SLC27A4: variants seen among roughly 807,000 people sequenced by gnomAD.
SLC27A4 encodes long-chain fatty acid transport protein 4.
A neutral mutation model predicts 64.4 loss-of-function variants in SLC27A4; 33 were observed. The observed-to-expected ratio is 0.51, with a 90% CI of 0.39 to 0.68. The LOEUF is 0.68. SLC27A4 is among the 30% of genes least tolerant of loss of function. The probability of loss-of-function intolerance (pLI) is 0.00; values close to 1 mark genes in which losing one functional copy is unlikely to be tolerated. For synonymous variants in SLC27A4, 377 were observed against 370.0 expected, an observed-to-expected ratio of 1.02 and a Z score of -0.22; for missense variants, 824 against 883.5, an observed-to-expected ratio of 0.93 and a Z score of 0.85.
Position 128,345,618 on chromosome 9 carries a change from C to G in SLC27A4, c.556+69C>G. 6 of 1,491,410 alleles carry G rather than the reference C, an allele frequency of 4.0e-6. No individual in the cohort carries two copies. Among genetic ancestry groups the G allele is most frequent in the Non-Finnish European group, 5.4e-6 (6 of 1,120,616 alleles). 92.4% of individuals were successfully genotyped at this position (1,491,410 alleles called of 1,614,324 possible). ...TCTTACACAGACCACAGCTCCCTTC[C>G]AGCCCTGCCAAGGCTGTGTGGGTCA... is the stretch of plus-strand genomic sequence containing the variant. On this transcript the variant is annotated intron_variant, in intron 3 of 12. Coordinates refer to ENST00000300456, the MANE Select transcript of SLC27A4 (RefSeq NM_005094.4). The surrounding 1 kb of genome is among the most constrained non-coding windows in gnomAD (Gnocchi z 4.1).
Position 128,340,751 on chromosome 9 carries a change from C to T in SLC27A4, c.-94C>T, listed in dbSNP as rs1290851223. 4.5e-6 allele frequency: 3 copies of T among 661,978 alleles called. No homozygotes were observed. Among genetic ancestry groups the T allele is most frequent in the Admixed American group, 4.4e-5 (2 of 45,732 alleles). 41.0% of individuals were successfully genotyped at this position (661,978 alleles called of 1,614,324 possible). On this transcript the variant is annotated 5_prime_UTR_variant, in exon 1 of 13. Transcript: ENST00000300456. ...CTGCTGAGACCCGGCTCCGTGCGTC[C>T]AGGGGCGGCTAATGCCCCTCACGCT...
In SLC27A4 at chr9:128,355,465, CT is replaced by C; in HGVS notation, c.1531del (p.Trp511GlyfsTer101). On this transcript the variant is annotated frameshift_variant, in exon 11 of 13. Transcript: ENST00000300456. LOFTEE classifies it high-confidence loss of function. ...FRDRTGDTFR[W>X]KGENVSTTEV... ...GAGACCGCACTGGGGACACGTTCCG[CT>C]GGAAAGGTGAGAACGTGTCCACCAC... is the stretch of plus-strand genomic sequence containing the variant. The C allele has an allele frequency of 6.2e-7, 1 of 1,613,646 alleles. No individual in the cohort carries two copies. The highest frequency in any genetic ancestry group is 8.5e-7 in the Non-Finnish European group (1 of 1,180,018).
Position 128,355,941 on chromosome 9 carries a change from A to C in SLC27A4, c.1774+145A>C, listed in dbSNP as rs181014124. 2.1e-5 allele frequency: 23 copies of C among 1,071,976 alleles called. No homozygotes were observed. In the East Asian group the frequency reaches 5.2e-4, roughly 24 times the overall value. 66.4% of individuals were successfully genotyped at this position (1,071,976 alleles called of 1,614,324 possible). A position where few individuals can be genotyped will look rare whatever the true frequency, so the allele number is the denominator to read the frequency against. Reference sequence around the variant, plus strand: ...GACCTGCCTGTGTAGAGGTGAGCAGACGGGGCTGGCAGAGAAGACACACAT... The same window carrying C: ...GACCTGCCTGTGTAGAGGTGAGCAGCCGGGGCTGGCAGAGAAGACACACAT... On this transcript the variant is annotated intron_variant, in intron 12 of 12. Coordinates refer to ENST00000300456, the MANE Select transcript of SLC27A4 (RefSeq NM_005094.4).
chr9:128,354,335 G>T, intron 9 of SLC27A4, among the ~76,000 whole-genome samples: 1 of 152,140 alleles, frequency 6.6e-6, no homozygotes, highest in Admixed American at 6.6e-5. Context: ...TCTGTGTCAT[G>T]GGCGAGTATT....
In SLC27A4 at chr9:128,340,767, C is replaced by T. The variant is rs113785080; in HGVS notation, c.-78C>T. ...CCGTGCGTCCAGGGGCGGCTAATGC[C>T]CCTCACGCTGTCTACGCTGCTGCAA... On this transcript the variant is annotated 5_prime_UTR_variant, in exon 1 of 13. Transcript: ENST00000300456. The T allele has an allele frequency of 0.026, 17,939 of 679,210 alleles. 320 individuals carry two copies. The highest frequency in any genetic ancestry group is 0.036 in the Non-Finnish European group (13,209 of 368,234). 42.1% of individuals were successfully genotyped at this position (679,210 alleles called of 1,614,324 possible).
At chr9:128,356,136 TAG>T (rs1372629929) in intron 12 of SLC27A4, among the ~76,000 whole-genome samples, 1 of 152,054 alleles carries the variant, frequency 6.6e-6, no homozygotes, top group East Asian at 1.9e-4. Context: ...GTCATGAGAT[TAG>T]AGTTAAACAG....
chr9:128,360,771 G>A lies in SLC27A4; in HGVS notation c.*280G>A, dbSNP rs1044904502. 42 of 473,730 alleles carry A rather than the reference G, an allele frequency of 8.9e-5. No homozygotes were observed. Among genetic ancestry groups the A allele is most frequent in the Admixed American group, 2.3e-4 (7 of 29,850 alleles). The allele number at this position is 473,730 out of a possible 1,614,324, so 29.3% of individuals were successfully genotyped here. The stretch of plus-strand genomic sequence containing the variant: ...GGGTTTTCTCAGGATGATGTCTTGG[G>A]TGAGGGTAGGGAGAGGACAAGGGGT... On this transcript the variant is annotated 3_prime_UTR_variant, in exon 13 of 13. Coordinates refer to ENST00000300456, the MANE Select transcript of SLC27A4 (RefSeq NM_005094.4).
At position 128,345,290 on chromosome 9, in the gene SLC27A4, T is replaced by C. The variant is rs371922995; in HGVS notation, c.297T>C (p.Asp99=). 1.9e-4 allele frequency: 310 copies of C among 1,613,830 alleles called. No individual in the cohort carries two copies. Among genetic ancestry groups the C allele is most frequent in the South Asian group, 2.7e-4 (25 of 91,062 alleles). Residue 99 remains aspartate (D), a synonymous_variant, in exon 3 of 13, where the codon GAT becomes GAC. Transcript: ENST00000300456. This position sits in a 1 kb window ranked among gnomAD's most constrained non-coding sequence, Gnocchi z 4.1. ...CGGCCCTGATCTTCGAGGGCACAGATACCCACTGGACCTTCCGCCAGCTGG... is the reference window on the plus strand; with the variant it reads ...CGGCCCTGATCTTCGAGGGCACAGACACCCACTGGACCTTCCGCCAGCTGG... ...DKTALIFEGT[D]THWTFRQLDE...
At chr9:128,352,320 A>G (rs1019572936) in intron 6 of SLC27A4, among the ~76,000 whole-genome samples, 17 of 152,124 alleles carry the variant, frequency 1.1e-4, no homozygotes, top group African/African-American at 4.1e-4. Flanking sequence ...ACAGATATGC[A>G]TGGCATTGCT....
Position 128,360,704 on chromosome 9 carries a change from T to TCTGGG in SLC27A4, c.*220_*224dup. 3.4e-6 allele frequency: 2 copies of TCTGGG among 585,028 alleles called. No individual in the cohort carries two copies. Among genetic ancestry groups the TCTGGG allele is most frequent in the Non-Finnish European group, 6.1e-6 (2 of 329,042 alleles). The allele number at this position is 585,028 out of a possible 1,614,324, so 36.2% of individuals were successfully genotyped here. On this transcript the variant is annotated 3_prime_UTR_variant, in exon 13 of 13. Coordinates refer to ENST00000300456, the MANE Select transcript of SLC27A4 (RefSeq NM_005094.4). ...AAAGTCTCATGTCCAAGTTCCGTCT[T>TCTGGG]CTGGGCTGGGCAGGCCCTCTGGTTC...
In SLC27A4 at chr9:128,350,372, T is replaced by G; in HGVS notation, c.776T>G (p.Val259Gly). ...TTGLPKAAIV[V>G]HSRYYRMAAL... ...GGGCTGCCCAAGGCCGCCATCGTGG[T>G]GCACAGCAGGTAAGGGGCAGGTGCC... is the stretch of plus-strand genomic sequence containing the variant. The change falls in exon 5 of 13, where the codon GTG (valine) becomes GGG (glycine). Residue 259 changes from valine (V) to glycine (G), a missense_variant. By Grantham distance (109) the Val-to-Gly change is moderately radical. Coordinates refer to ENST00000300456, the MANE Select transcript of SLC27A4 (RefSeq NM_005094.4). 6.2e-7 allele frequency: 1 copy of G among 1,613,466 alleles called. No individual in the cohort carries two copies. The highest frequency in any genetic ancestry group is 8.5e-7 in the Non-Finnish European group (1 of 1,179,934).
At position 128,355,449 on chromosome 9, in the gene SLC27A4, C is replaced by T. The variant is rs1427218192; in HGVS notation, c.1514C>T (p.Thr505Ile). The change falls in exon 11 of 13, where the codon ACT (threonine) becomes ATT (isoleucine). Residue 505 changes from threonine to isoleucine, a missense_variant. Thr to Ile is a moderately conservative substitution (Grantham distance 89). Coordinates refer to ENST00000300456, the MANE Select transcript of SLC27A4 (RefSeq NM_005094.4). Reference protein sequence around the residue: ...ELGYLYFRDRTGDTFRWKGEN... With the variant: ...ELGYLYFRDRIGDTFRWKGEN... The stretch of plus-strand genomic sequence containing the variant: ...GGCTACCTGTACTTCCGAGACCGCA[C>T]TGGGGACACGTTCCGCTGGAAAGGT... 1.9e-6 allele frequency: 3 copies of T among 1,613,484 alleles called. No homozygotes were observed. The highest frequency in any genetic ancestry group is 1.7e-5 in the Admixed American group (1 of 59,996).
At position 128,345,023 on chromosome 9, in the gene SLC27A4, C is replaced by T; in HGVS notation, c.162-132C>T. The T allele has an allele frequency of 9.7e-7, 1 of 1,026,670 alleles. No homozygotes were observed. Among genetic ancestry groups the T allele is most frequent in the Non-Finnish European group, 1.4e-6 (1 of 689,662 alleles). The allele number at this position is 1,026,670 out of a possible 1,614,324, so 63.6% of individuals were successfully genotyped here. On this transcript the variant is annotated intron_variant, in intron 2 of 12. Coordinates refer to ENST00000300456, the MANE Select transcript of SLC27A4 (RefSeq NM_005094.4). The surrounding 1 kb of genome is among the most constrained non-coding windows in gnomAD (Gnocchi z 4.1). ...GGCAGTGCATGTTCCCAGCAGGAGC[C>T]AGGAGATAGAAGTGTTGTAGGGGGT...
intron 1 of SLC27A4, chr9:128,342,264 G>C: frequency 6.2e-7 from 1 of 1,611,262 alleles, no homozygotes; most frequent in Non-Finnish European, 8.5e-7. Context: ...CTGAGATTGA[G>C]AAATTCGATA....
chr9:128,347,846 G>C (rs75484217), intron 3 of SLC27A4, among the ~76,000 whole-genome samples: 7,561 of 145,686 alleles, frequency 0.052, 264 homozygotes, highest in Middle Eastern at 0.11. Flanking sequence ...AATATAGTGA[G>C]ACCCTGTCTG....
chr9:128,344,816 C>T (rs1431951399), intron 2 of SLC27A4, among the ~76,000 whole-genome samples: 4 of 152,144 alleles, frequency 2.6e-5, no homozygotes, highest in Non-Finnish European at 5.9e-5. Context: ...GCTGGAGCAG[C>T]AGGCTGAGAG....
rs1190970715 is a variant in SLC27A4 at position 128,350,339 on chromosome 9, G to A, written c.743G>A (p.Gly248Asp). Residue 248 changes from glycine (G) to aspartate (D), a missense_variant, in exon 5 of 13, where the codon GGC (glycine) becomes GAC (aspartate). Gly to Asp is a moderately conservative substitution (Grantham distance 94, BLOSUM62 -1). Coordinates refer to ENST00000300456, the MANE Select transcript of SLC27A4 (RefSeq NM_005094.4). ...TDKLFYIYTS[G>D]TTGLPKAAIV... is the part of the protein sequence containing the mutation. The stretch of plus-strand genomic sequence containing the variant: ...AAACTGTTCTACATCTACACATCCG[G>A]CACCACAGGGCTGCCCAAGGCCGCC... 1 of 1,613,154 alleles carries A rather than the reference G, an allele frequency of 6.2e-7. No homozygotes were observed. Among genetic ancestry groups the A allele is most frequent in the Non-Finnish European group, 8.5e-7 (1 of 1,180,004 alleles).
At chr9:128,343,522 A>T (rs1832609289) in intron 2 of SLC27A4, among the ~76,000 whole-genome samples, 1 of 152,218 alleles carries the variant, frequency 6.6e-6, no homozygotes, top group African/African-American at 2.4e-5. Flanking sequence ...TGAGGCTCCC[A>T]GGCCTTGGGC....
At chr9:128,349,761 C>T (rs996711885) in intron 4 of SLC27A4, among the ~76,000 whole-genome samples, 1 of 152,196 alleles carries the variant, frequency 6.6e-6, no homozygotes, top group Non-Finnish European at 1.5e-5. Flanking sequence ...GAAACTCTAA[C>T]GTGGCAATCC....
Sources: allele counts gnomAD v4.1 joint callset (sites outside exome capture counted in the v4.1 genomes callset), GRCh38; gene constraint gnomAD v4.1.1; non-coding constraint Gnocchi (gnomAD v3.1); transcripts MANE v1.5; gene names NCBI Gene and HGNC (gene_info 2026-07-23, HGNC 2026-07-21).